Variants in KMT2E observed in about 807,000 individuals in gnomAD.
KMT2E encodes the protein lysine methyltransferase 2E (inactive), also known as histone reader KMT2E.
In KMT2E, 30 loss-of-function variants were observed where a neutral mutation model predicts 184.6. That is an observed-to-expected ratio of 0.16 (90% CI 0.12 to 0.22). KMT2E has a LOEUF of 0.22. Ranked by LOEUF, KMT2E falls within the 10% of genes least tolerant of loss-of-function variation. The probability of loss-of-function intolerance (pLI) is 1.00; values close to 1 mark genes in which losing one functional copy is unlikely to be tolerated. For missense variants in KMT2E, 2,023 were observed against 2,237.4 expected, an observed-to-expected ratio of 0.90 and a Z score of 1.93; for synonymous variants, 815 against 776.5, an observed-to-expected ratio of 1.05 and a Z score of -0.82.
chr7:105,085,405 G>A (rs1333988637), intron 13 of KMT2E, among the ~76,000 whole-genome samples: 1 of 151,888 alleles, frequency 6.6e-6, no homozygotes, highest in Non-Finnish European at 1.5e-5. Flanking sequence ...AAAATTAGCC[G>A]GGCATGGTGG....
Position 105,063,739 on chromosome 7 carries a change from GAA to G in KMT2E, c.416+164_416+165del, listed in dbSNP as rs1250978422. On this transcript the variant is annotated intron_variant, in intron 5 of 26. Coordinates refer to ENST00000311117, the MANE Select transcript of KMT2E (RefSeq NM_182931.3). Reference sequence around the variant, plus strand: ...CAGTCCTAGAAAAAGCCTCCTATGTGAAAAAAGAGTTTACTAGAAATCCCTGT... The same window carrying G: ...CAGTCCTAGAAAAAGCCTCCTATGTGAAAAGAGTTTACTAGAAATCCCTGT... 5 of 575,512 alleles carry G rather than the reference GAA, an allele frequency of 8.7e-6. No individual in the cohort carries two copies. In the Admixed American group the frequency reaches 1.7e-4, roughly 20 times the overall value. 35.7% of individuals were successfully genotyped at this position (575,512 alleles called of 1,614,324 possible). A position where few individuals can be genotyped will look rare whatever the true frequency, so the allele number is the denominator to read the frequency against.
At chr7:105,096,977 A>G (rs977725066) in intron 15 of KMT2E, among the ~76,000 whole-genome samples, 4 of 152,230 alleles carry the variant, frequency 2.6e-5, no homozygotes, top group Non-Finnish European at 4.4e-5. Context: ...ACATGTGTTT[A>G]AAAACTTGAC....
At chr7:105,065,512 G>T (rs748126527) in intron 5 of KMT2E, among the ~76,000 whole-genome samples, 3 of 152,102 alleles carry the variant, frequency 2.0e-5, no homozygotes, top group Non-Finnish European at 4.4e-5. Flanking sequence ...GTTCCAAGAC[G>T]CCCAGTAGAT....
intron 1 of KMT2E, among the ~76,000 whole-genome samples, chr7:105,034,031 G>C (rs970277450): frequency 6.6e-6 from 1 of 152,154 alleles, no homozygotes; most frequent in South Asian, 2.1e-4. Context: ...GCCACCCACA[G>C]AGTCGGGGCC....
At chr7:105,075,204 T>TA (rs1797479378) in intron 8 of KMT2E, among the ~76,000 whole-genome samples, 1 of 150,410 alleles carries the variant, frequency 6.6e-6, no homozygotes, top group Non-Finnish European at 1.5e-5. Context: ...TTTTTTTTTT[T>TA]AAACCTTGCT....
chr7:105,054,825 A>G (rs1396552115), intron 3 of KMT2E, among the ~76,000 whole-genome samples: 1 of 152,134 alleles, frequency 6.6e-6, no homozygotes, highest in Admixed American at 6.6e-5. Flanking sequence ...CGCAAGTTGC[A>G]CATTTTAATA....
chr7:105,046,930 G>A (rs529656030), intron 3 of KMT2E, among the ~76,000 whole-genome samples: 2 of 152,276 alleles, frequency 1.3e-5, no homozygotes, highest in South Asian at 4.1e-4. Flanking sequence ...TTTGCTGGAA[G>A]GACTCACAGG....
chr7:105,105,629 C>T lies in KMT2E; in HGVS notation c.2387C>T (p.Pro796Leu). The change falls in exon 18 of 27, where the codon CCA becomes CTA. Residue 796 changes from proline to leucine, a missense_variant. This residue lies in a region of KMT2E where 514 missense variants were observed against 621.8 expected (regional missense o/e 0.83). Transcript: ENST00000311117. The stretch of plus-strand genomic sequence containing the variant: ...AAGCATTATATTAGATTTACTTCAC[C>T]ATTCCTTTCAGAAAAAAGGAGAAGA... ...TPKHYIRFTS[P>L]FLSEKRRRKE... 6.2e-7 allele frequency: 1 copy of T among 1,611,558 alleles called. No homozygotes were observed. The highest frequency in any genetic ancestry group is 8.5e-7 in the Non-Finnish European group (1 of 1,178,752).
At chr7:105,037,142 A>C (rs1214318129) in intron 1 of KMT2E, among the ~76,000 whole-genome samples, 1 of 152,180 alleles carries the variant, frequency 6.6e-6, no homozygotes, top group East Asian at 1.9e-4. Flanking sequence ...TCTCTTAGTG[A>C]TACACATCCA....
chr7:105,014,834 G>A (rs906368359), intron 1 of KMT2E, among the ~76,000 whole-genome samples: 38 of 152,144 alleles, frequency 2.5e-4, no homozygotes, highest in Non-Finnish European at 2.5e-4. Context: ...TTGGCAGCGG[G>A]TTAAGGCCGC....
chr7:105,061,276 G>T (rs1796802515), intron 3 of KMT2E, among the ~76,000 whole-genome samples: 2 of 152,156 alleles, frequency 1.3e-5, no homozygotes, highest in African/African-American at 4.8e-5. Context: ...ATAGTACTAA[G>T]TTCTAATGTA....
At position 105,082,616 on chromosome 7, in the gene KMT2E, T is replaced by C. The variant is rs575532561; in HGVS notation, c.1358+819T>C. Among the ~76,000 whole-genome samples the C allele has an allele frequency of 7.2e-5, 11 of 151,988 alleles. No individual in the cohort carries two copies. In the East Asian group the frequency reaches 2.1e-3, roughly 29 times the overall value. Reference sequence around the variant, plus strand: ...GGAAGGGTGGGGGTTGCTCTTGCTGTCTCAGGGGTGACAGAGGGAGAAGGG... The same window carrying C: ...GGAAGGGTGGGGGTTGCTCTTGCTGCCTCAGGGGTGACAGAGGGAGAAGGG... On this transcript the variant is annotated intron_variant, in intron 13 of 26. Transcript: ENST00000311117.
chr7:105,031,107 A>G (rs1795394737), intron 1 of KMT2E, among the ~76,000 whole-genome samples: 1 of 152,020 alleles, frequency 6.6e-6, no homozygotes, highest in East Asian at 1.9e-4. Flanking sequence ...CTGTAATCCT[A>G]ACACCTTGGG....
Position 105,081,674 on chromosome 7 carries a change from A to T in KMT2E, c.1249-14A>T, listed in dbSNP as rs757540297. On this transcript the variant is annotated splice_polypyrimidine_tract_variant and intron_variant, in intron 12 of 26. Coordinates refer to ENST00000311117, the MANE Select transcript of KMT2E (RefSeq NM_182931.3). ...AAGTAATTTATGGTAATGTACAATT[A>T]TTTTAACTTTTAGGTGAGGCATGAA... is the stretch of plus-strand genomic sequence containing the variant. The T allele has an allele frequency of 5.7e-6, 7 of 1,231,448 alleles. No homozygotes were observed. Among genetic ancestry groups the T allele is most frequent in the Non-Finnish European group, 8.2e-6 (7 of 849,210 alleles). 76.3% of individuals were successfully genotyped at this position (1,231,448 alleles called of 1,614,324 possible).
At chr7:105,014,742 C>T (rs1056006703) in intron 1 of KMT2E, among the ~76,000 whole-genome samples, 4 of 151,860 alleles carry the variant, frequency 2.6e-5, no homozygotes, top group Admixed American at 2.0e-4. Flanking sequence ...AGCATTATGG[C>T]GGGTTTTAGG....
intron 1 of KMT2E, among the ~76,000 whole-genome samples, chr7:105,028,255 G>C (rs1290109860): frequency 6.8e-6 from 1 of 147,200 alleles, no homozygotes; most frequent in Non-Finnish European, 1.5e-5. Flanking sequence ...TGCAACCTCC[G>C]CCTCCTGTGT....
At chr7:105,091,626 T>C (rs912202193) in intron 15 of KMT2E, 2 of 462,188 alleles carry the variant, frequency 4.3e-6, no homozygotes, top group Non-Finnish European at 7.6e-6. Context: ...TCAGAATGTC[T>C]TTTATTAGCT....
intron 3 of KMT2E, among the ~76,000 whole-genome samples, chr7:105,058,010 TC>T (rs890837889): frequency 1.3e-5 from 2 of 152,198 alleles, no homozygotes; most frequent in African/African-American, 2.4e-5. Context: ...TCTCTCTTCA[TC>T]TATAACAACC....
chr7:105,018,413 A>G (rs1214108012), intron 1 of KMT2E, among the ~76,000 whole-genome samples: 1 of 152,192 alleles, frequency 6.6e-6, no homozygotes, highest in Non-Finnish European at 1.5e-5. Flanking sequence ...ATTTGTTTTT[A>G]GCAGATGGTA....
Sources: gnomAD v4.1 joint callset for allele counts (sites outside exome capture counted in the v4.1 genomes callset) on GRCh38, gnomAD v4.1.1 for gene constraint, gnomAD v4.1.1 regional missense constraint, MANE v1.5 for transcripts, NCBI Gene and HGNC (gene_info 2026-07-23, HGNC 2026-07-21) for gene names.